The following EEPD1 variants were observed in gnomAD, a reference collection of about 807,000 sequenced individuals.
EEPD1 encodes the protein endonuclease/exonuclease/phosphatase family domain-containing protein 1.
EEPD1 carries 17 observed loss-of-function variants against 46.3 expected under a neutral mutation model. The ratio of observed to expected loss-of-function variants is 0.37; its 90% CI spans 0.25 to 0.55. The LOEUF is 0.55. Ranked by LOEUF, EEPD1 falls within the 20% of genes least tolerant of loss-of-function variation. EEPD1 has a pLI of 0.83. For missense variants in EEPD1, 673 were observed against 745.6 expected (o/e 0.90, Z 1.13); for synonymous variants, 313 against 315.6 (o/e 0.99, Z 0.09).
intron 3 of EEPD1, among the ~76,000 whole-genome samples, chr7:36,264,458 C>CGT (rs1209855736): frequency 1.3e-5 from 2 of 152,132 alleles, no homozygotes; most frequent in African/African-American, 4.8e-5. Flanking sequence ...CACATCGTGG[C>CGT]GTGTGTGTAA....
At chr7:36,159,382 G>C (rs1268782493) in intron 2 of EEPD1, among the ~76,000 whole-genome samples, 1 of 152,180 alleles carries the variant, frequency 6.6e-6, no homozygotes, top group Non-Finnish European at 1.5e-5. Flanking sequence ...AGGGTGGGTG[G>C]ATGCAGCCAG....
intron 2 of EEPD1, among the ~76,000 whole-genome samples, chr7:36,211,298 G>C (rs546475355): frequency 6.9e-4 from 105 of 152,268 alleles, no homozygotes; most frequent in African/African-American, 2.4e-3. Flanking sequence ...ATAGCAATTG[G>C]TGTCTGAGTA....
rs890937889 is a variant in EEPD1 at position 36,193,900 on chromosome 7, C to T, written c.878+38698C>T. ...GATGACAGTAAAATTAGGCTGTGGA[C>T]ATAATGTGAGCATCTTGAGAGTTCA... On this transcript the variant is annotated intron_variant, in intron 2 of 7. Coordinates refer to ENST00000242108, the MANE Select transcript of EEPD1 (RefSeq NM_030636.3). This position sits in a 1 kb window ranked among gnomAD's most constrained non-coding sequence, Gnocchi z 4.9. Among the ~76,000 whole-genome samples the T allele has an allele frequency of 6.6e-6, 1 of 152,138 alleles. No individual in the cohort carries two copies. Among genetic ancestry groups the T allele is most frequent in the African/African-American group, 2.4e-5 (1 of 41,412 alleles).
chr7:36,196,540 T>C (rs1562682245), intron 2 of EEPD1, among the ~76,000 whole-genome samples: 4 of 152,208 alleles, frequency 2.6e-5, no homozygotes, highest in African/African-American at 9.6e-5. Context: ...GCCTGCCCAG[T>C]GCCTGCGATT....
At chr7:36,198,342 G>GAAAAAAAAAAAAAAAAGAAAAAA (rs1583803428) in intron 2 of EEPD1, among the ~76,000 whole-genome samples, 4 of 33,096 alleles carry the variant, frequency 1.2e-4, no homozygotes, top group African/African-American at 1.2e-4. Context: ...AAAAAGAAAA[G>GAAAAAAAAAAAAAAAAGAAAAAA]AAAAAAAAAA....
At chr7:36,155,255 C>T in intron 2 of EEPD1, 53 bp downstream of exon 2, 3 of 1,484,020 alleles carry the variant, frequency 2.0e-6, no homozygotes, top group South Asian at 1.5e-5. Context: ...TTGTGCGTGA[C>T]CTCATCTATG....
At chr7:36,221,450 C>T (rs1238878940) in intron 2 of EEPD1, among the ~76,000 whole-genome samples, 2 of 152,114 alleles carry the variant, frequency 1.3e-5, no homozygotes, top group African/African-American at 4.8e-5. Flanking sequence ...GAAGGATGAG[C>T]CTGGATTGAT....
Position 36,154,397 on chromosome 7 carries a change from A to G in EEPD1, c.73A>G (p.Ser25Gly), listed in dbSNP as rs1203690578. ...GGACCTGTCCCATAGCCGCAAGTTC[A>G]GCGCAGCCTGTAACTTCAGCAACAT... ...PSDLSHSRKF[S>G]AACNFSNILV... The change falls in exon 2 of 8, where the codon AGC becomes GGC. Residue 25 changes from serine (S) to glycine (G), a missense_variant. Transcript: ENST00000242108. The surrounding 1 kb of genome is among the most constrained non-coding windows in gnomAD (Gnocchi z 4.2). 1 of 1,614,110 alleles carries G rather than the reference A, an allele frequency of 6.2e-7. No homozygotes were observed.
intron 3 of EEPD1, among the ~76,000 whole-genome samples, chr7:36,272,361 A>G (rs1296895435): frequency 6.6e-6 from 1 of 152,186 alleles, no homozygotes; most frequent in Non-Finnish European, 1.5e-5. Flanking sequence ...ACAGTGTGAA[A>G]GTGCAGAGTC....
At chr7:36,188,577 G>A (rs549649017) in intron 2 of EEPD1, among the ~76,000 whole-genome samples, 52 of 152,278 alleles carry the variant, frequency 3.4e-4, no homozygotes, top group Admixed American at 1.6e-3. Flanking sequence ...TGTTGGAAGC[G>A]GGCGCAGGGT....
chr7:36,156,014 A>G (rs1241759046), intron 2 of EEPD1, among the ~76,000 whole-genome samples: 1 of 152,216 alleles, frequency 6.6e-6, no homozygotes, highest in Admixed American at 6.5e-5. Context: ...AAACTGTATA[A>G]TGTAATCAGG....
At chr7:36,208,005 G>T (rs1039245998) in intron 2 of EEPD1, among the ~76,000 whole-genome samples, 1 of 151,950 alleles carries the variant, frequency 6.6e-6, no homozygotes, top group Non-Finnish European at 1.5e-5. Flanking sequence ...TGAAGCCTGC[G>T]GCCCTCCAGG....
chr7:36,180,429 G>A (rs140644965), intron 2 of EEPD1, among the ~76,000 whole-genome samples: 95 of 152,292 alleles, frequency 6.2e-4, no homozygotes, highest in South Asian at 2.1e-3. Context: ...AGGAAAGGCT[G>A]CTGCTCCCTT....
In EEPD1 at chr7:36,299,256, G is replaced by A. The variant is rs1210878960; in HGVS notation, c.*50G>A. On this transcript the variant is annotated 3_prime_UTR_variant, in exon 8 of 8. Transcript: ENST00000242108. Reference sequence around the variant, plus strand: ...CTGGGACCCAGGAGGGCACAGCCAAGGAATGAGCCCTGTGGGGTGACGCTT... The same window carrying A: ...CTGGGACCCAGGAGGGCACAGCCAAAGAATGAGCCCTGTGGGGTGACGCTT... 1 of 1,584,926 alleles carries A rather than the reference G, an allele frequency of 6.3e-7. No homozygotes were observed. The highest frequency in any genetic ancestry group is 1.1e-5 in the South Asian group (1 of 87,452).
At chr7:36,221,750 T>G (rs1243537848) in intron 2 of EEPD1, among the ~76,000 whole-genome samples, 1 of 152,220 alleles carries the variant, frequency 6.6e-6, no homozygotes, top group Non-Finnish European at 1.5e-5. Flanking sequence ...ATAAATATAA[T>G]AACTGTCATT....
At chr7:36,172,615 GAGT>G (rs1365097440) in intron 2 of EEPD1, among the ~76,000 whole-genome samples, 1 of 116,446 alleles carries the variant, frequency 8.6e-6, no homozygotes, top group Non-Finnish European at 1.7e-5. Context: ...AAAATATTAT[GAGT>G]TTTTTTTTTT....
At position 36,273,040 on chromosome 7, in the gene EEPD1, C is replaced by T. The variant is rs539788615; in HGVS notation, c.931-8075C>T. 1.8e-4 allele frequency among the ~76,000 whole-genome samples: 28 copies of T among 152,252 alleles called. 1 individual carries two copies. In the South Asian group the frequency reaches 4.1e-3, roughly 23 times the overall value. On this transcript the variant is annotated intron_variant, in intron 3 of 7. Transcript: ENST00000242108. Reference sequence around the variant, plus strand: ...CTGGGTCATCAGGGCCTATGTGACCCGAGGCATCAGTGACGAAATTGACCT... The same window carrying T: ...CTGGGTCATCAGGGCCTATGTGACCTGAGGCATCAGTGACGAAATTGACCT...
At chr7:36,202,235 C>T (rs1416956858) in intron 2 of EEPD1, among the ~76,000 whole-genome samples, 5 of 152,204 alleles carry the variant, frequency 3.3e-5, no homozygotes, top group African/African-American at 1.2e-4. Flanking sequence ...ATCTGCAGGA[C>T]ATGCATCATT....
chr7:36,256,506 C>T lies in EEPD1; in HGVS notation c.930+17470C>T, dbSNP rs562987523. On this transcript the variant is annotated intron_variant, in intron 3 of 7. Coordinates refer to ENST00000242108, the MANE Select transcript of EEPD1 (RefSeq NM_030636.3). The stretch of plus-strand genomic sequence containing the variant: ...CTTGCTTTGTAAATCTGGGTGCTCC[C>T]GTATTGGGTGCATATATATTTAGGA... Among the ~76,000 whole-genome samples the T allele has an allele frequency of 3.7e-4, 56 of 152,162 alleles. 2 individuals are homozygous for T. In the South Asian group the frequency reaches 8.5e-3, roughly 23 times the overall value.
Sources: gnomAD v4.1 joint callset for allele counts (sites outside exome capture counted in the v4.1 genomes callset) on GRCh38, gnomAD v4.1.1 for gene constraint, Gnocchi (gnomAD v3.1) non-coding constraint, MANE v1.5 for transcripts, NCBI Gene and HGNC (gene_info 2026-07-23, HGNC 2026-07-21) for gene names.